The following LOXL1 variants were observed in gnomAD, a reference collection of about 807,000 sequenced individuals.
The protein encoded by LOXL1 is lysyl oxidase homolog 1.
A neutral mutation model predicts 62.2 loss-of-function variants in LOXL1; 31 were observed. That is an observed-to-expected ratio of 0.50 (90% CI 0.37 to 0.67). The LOEUF (loss-of-function observed/expected upper bound fraction) is 0.67. LOXL1 is among the 30% of genes least tolerant of loss of function. The pLI, the probability that LOXL1 is intolerant of heterozygous loss-of-function variation, is 0.00. For missense variants in LOXL1, 775 were observed against 843.4 expected, an observed-to-expected ratio of 0.92 and a Z score of 1.00; for synonymous variants, 403 against 384.4, an observed-to-expected ratio of 1.05 and a Z score of -0.56.
At chr15:73,936,745 G>A (rs981147537) in intron 1 of LOXL1, among the ~76,000 whole-genome samples, 9 of 152,342 alleles carry the variant, frequency 5.9e-5, no homozygotes, top group African/African-American at 1.9e-4. Flanking sequence ...GGCTCTCAGC[G>A]CCAGGCAGCC....
At position 73,926,856 on chromosome 15, in the gene LOXL1, G is replaced by C. The variant is rs1360530917; in HGVS notation, c.73G>C (p.Gly25Arg). ...CGCCTGCCTGTGCGTGCTGGTGCAC[G>C]GGCAGCAGGCGCAGCCCGGGCAGGG... Reference protein sequence around the residue: ...WGACLCVLVHGQQAQPGQGSD... With the variant: ...WGACLCVLVHRQQAQPGQGSD... The change falls in exon 1 of 7, where the codon GGG becomes CGG. Residue 25 changes from glycine (G) to arginine (R), a missense_variant. By Grantham distance (125) the Gly-to-Arg change is moderately radical. Transcript: ENST00000261921. 7 of 1,546,158 alleles carry C rather than the reference G, an allele frequency of 4.5e-6. No individual in the cohort carries two copies. The highest frequency in any genetic ancestry group is 2.4e-5 in the East Asian group (1 of 41,004).
chr15:73,939,951 C>T (rs1184857589), intron 1 of LOXL1, among the ~76,000 whole-genome samples: 1 of 152,108 alleles, frequency 6.6e-6, no homozygotes, highest in Admixed American at 6.5e-5. Flanking sequence ...ATGGAAAACA[C>T]TTTGGGTTGC....
intron 1 of LOXL1, 118 bp downstream of exon 1, chr15:73,928,003 C>G: frequency 1.0e-6 from 1 of 959,938 alleles, no homozygotes; most frequent in Non-Finnish European, 1.4e-6. Context: ...CTGCTAAGCA[C>G]GGAGCAGCGC....
At chr15:73,938,102 C>T (rs2068687138) in intron 1 of LOXL1, among the ~76,000 whole-genome samples, 1 of 152,126 alleles carries the variant, frequency 6.6e-6, no homozygotes, top group South Asian at 2.1e-4. Context: ...GGCTGGCCAA[C>T]ATGGTGAAAC....
chr15:73,950,655 G>A (rs998739605), intron 6 of LOXL1, among the ~76,000 whole-genome samples: 4 of 149,914 alleles, frequency 2.7e-5, no homozygotes, highest in Non-Finnish European at 4.4e-5. Flanking sequence ...AGGGCCCAGT[G>A]TGTAGCCAGG....
rs2068602447 is a variant in LOXL1, at chr15:73,927,923, C to CCCTGGCCACTGGAAACTGCTCCGGG, written c.1102+41_1102+65dup. The CCCTGGCCACTGGAAACTGCTCCGGG allele has an allele frequency of 6.2e-6, 8 of 1,292,458 alleles. No homozygotes were observed. The South Asian group carries it at 1.5e-4, about 25-fold the overall frequency. The allele number at this position is 1,292,458 out of a possible 1,614,324, so 80.1% of individuals were successfully genotyped here. ...CCGGCGCCCCTCCGGCCGCGCGTAC[C>CCCTGGCCACTGGAAACTGCTCCGGG]CCTGGCCACTGGAAACTGCTCCGGG... On this transcript the variant is annotated intron_variant, in intron 1 of 6. Coordinates refer to ENST00000261921, the MANE Select transcript of LOXL1 (RefSeq NM_005576.4).
intron 1 of LOXL1, among the ~76,000 whole-genome samples, chr15:73,940,861 C>T (rs992101110): frequency 5.9e-5 from 9 of 152,220 alleles, no homozygotes; most frequent in African/African-American, 2.2e-4. Flanking sequence ...TCCAACTTCC[C>T]TGGGTTGCAT....
chr15:73,934,149 T>A (rs2068654317), intron 1 of LOXL1, among the ~76,000 whole-genome samples: 1 of 152,246 alleles, frequency 6.6e-6, no homozygotes, highest in South Asian at 2.1e-4. Flanking sequence ...GTGGGCCAGC[T>A]GGAACCACAG....
chr15:73,926,523 C>T lies in LOXL1; in HGVS notation c.-261C>T, dbSNP rs2068577100. On this transcript the variant is annotated 5_prime_UTR_variant, in exon 1 of 7. Transcript: ENST00000261921. ...AGTGCGGGGCTGGCCATGTAAGGCCCACAGGCGGTCCTGCCCGCCCGGTGC... is the reference window on the plus strand; with the variant it reads ...AGTGCGGGGCTGGCCATGTAAGGCCTACAGGCGGTCCTGCCCGCCCGGTGC... 1 of 378,694 alleles carries T rather than the reference C, an allele frequency of 2.6e-6. No homozygotes were observed. Among genetic ancestry groups the T allele is most frequent in the African/African-American group, 2.1e-5 (1 of 48,056 alleles). The allele number at this position is 378,694 out of a possible 1,614,324, so 23.5% of individuals were successfully genotyped here.
At chr15:73,942,555 G>A (rs1052492793) in intron 1 of LOXL1, among the ~76,000 whole-genome samples, 3 of 151,846 alleles carry the variant, frequency 2.0e-5, no homozygotes, top group Admixed American at 6.6e-5. Context: ...ACCCTTTCCC[G>A]CTCTCTGATT....
At chr15:73,939,131 C>G (rs2068696407) in intron 1 of LOXL1, among the ~76,000 whole-genome samples, 1 of 152,204 alleles carries the variant, frequency 6.6e-6, no homozygotes, top group South Asian at 2.1e-4. Context: ...ATCAACCCTT[C>G]TTTATCCCCT....
intron 1 of LOXL1, among the ~76,000 whole-genome samples, chr15:73,937,828 G>A (rs1255833821): frequency 6.6e-6 from 1 of 152,190 alleles, no homozygotes; most frequent in African/African-American, 2.4e-5. Context: ...ACCCGCCCCA[G>A]CCTACCCCCA....
intron 1 of LOXL1, 63 bp from the exon 2 acceptor site, chr15:73,942,791 A>G (rs952347296): frequency 9.6e-7 from 1 of 1,043,822 alleles, no homozygotes; most frequent in African/African-American, 1.6e-5. Flanking sequence ...GCAGTGGCCA[A>G]CCTGATGCTC....
intron 1 of LOXL1, among the ~76,000 whole-genome samples, chr15:73,933,456 G>A (rs998221122): frequency 2.0e-5 from 3 of 152,208 alleles, no homozygotes; most frequent in Admixed American, 6.5e-5. Flanking sequence ...TCAAGTTTGC[G>A]GGCCCCACAG....
chr15:73,937,984 G>A (rs2068686052), intron 1 of LOXL1, among the ~76,000 whole-genome samples: 1 of 152,198 alleles, frequency 6.6e-6, no homozygotes, highest in South Asian at 2.1e-4. Flanking sequence ...GAGGTGACCT[G>A]GAGGTCTAAA....
Position 73,946,495 on chromosome 15 carries a change from C to T in LOXL1, c.1290C>T (p.Gly430=). 1 of 1,611,930 alleles carries T rather than the reference C, an allele frequency of 6.2e-7. No individual in the cohort carries two copies. The highest frequency in any genetic ancestry group is 8.5e-7 in the Non-Finnish European group (1 of 1,179,196). The change falls in exon 3 of 7, where the codon GGC becomes GGT. Residue 430 remains glycine, a synonymous_variant. Transcript: ENST00000261921. ...TCCCCCAGCGCGTGAAGAACCAGGG[C>T]ACAGCAGACTTCCTCCCCAACCGGC... ...LRFPQRVKNQ[G]TADFLPNRPR... is the part of the protein sequence containing the mutation.
At chr15:73,941,230 T>TC (rs961173945) in intron 1 of LOXL1, among the ~76,000 whole-genome samples, 57 of 151,984 alleles carry the variant, frequency 3.8e-4, no homozygotes, top group African/African-American at 1.4e-3. Context: ...GGCCAAGAAG[T>TC]CCCCCACCAG....
At chr15:73,942,988 A>C (rs1408889838) in intron 2 of LOXL1, 26 bp downstream of exon 2, 5 of 1,572,938 alleles carry the variant, frequency 3.2e-6, no homozygotes, top group Non-Finnish European at 4.4e-6. Flanking sequence ...AGAAGTGTAG[A>C]GTGTTGGGAT....
intron 1 of LOXL1, among the ~76,000 whole-genome samples, chr15:73,939,469 G>C (rs1337590705): frequency 6.6e-6 from 1 of 152,228 alleles, no homozygotes; most frequent in South Asian, 2.1e-4. Flanking sequence ...GTCACAGGAG[G>C]CCCTGGTGAT....
Sources: allele counts gnomAD v4.1 joint callset (sites outside exome capture counted in the v4.1 genomes callset), GRCh38; gene constraint gnomAD v4.1.1; transcripts MANE v1.5; gene names NCBI Gene and HGNC (gene_info 2026-07-23, HGNC 2026-07-21).